RAD51B: variants seen among roughly 807,000 people sequenced by gnomAD.
The protein encoded by RAD51B is DNA repair protein RAD51 homolog 2.
RAD51B carries 38 observed loss-of-function variants against 42.2 expected under a neutral mutation model. The observed-to-expected ratio is 0.90, with a 90% CI of 0.70 to 1.18. RAD51B has a LOEUF of 1.18. Among genes scored for constraint, RAD51B ranks in the 50% most tolerant of loss-of-function variants. RAD51B has a pLI of 0.00. For synonymous variants in RAD51B, 154 were observed against 145.2 expected, an observed-to-expected ratio of 1.06 and a Z score of -0.43; for missense variants, 373 against 400.7, an observed-to-expected ratio of 0.93 and a Z score of 0.59.
In RAD51B at chr14:67,864,961, C is replaced by CTGT. The variant is rs2042278659; in HGVS notation, c.316-41_316-40insGTT. On this transcript the variant is annotated intron_variant, in intron 4 of 10. Transcript: ENST00000471583. ...TGGCTTGTGATGTTTATCTAAAAAA[C>CTGT]TTTTTTTTTTTTTTTTTTTTTTTTT... is the stretch of plus-strand genomic sequence containing the variant. The CTGT allele has an allele frequency of 3.1e-6, 2 of 642,536 alleles. 1 individual carries two copies. The highest frequency in any genetic ancestry group is 7.6e-5 in the African/African-American group (2 of 26,298). 39.8% of individuals were successfully genotyped at this position (642,536 alleles called of 1,614,324 possible). A position where few individuals can be genotyped will look rare whatever the true frequency, so the allele number is the denominator to read the frequency against.
chr14:68,458,872 A>G (rs949384271), intron 9 of RAD51B, among the ~76,000 whole-genome samples: 4 of 152,086 alleles, frequency 2.6e-5, no homozygotes, highest in Non-Finnish European at 4.4e-5. Context: ...TATTACTTCT[A>G]CAGATCTTGC....
intron 4 of RAD51B, among the ~76,000 whole-genome samples, chr14:67,837,449 G>A (rs2140302284): frequency 6.6e-6 from 1 of 152,232 alleles, no homozygotes; most frequent in East Asian, 1.9e-4. Flanking sequence ...CCAAACAGAA[G>A]TTACAAGCCT....
chr14:68,681,896 T>C (rs1205952239), intron 11 of RAD51B, among the ~76,000 whole-genome samples: 1 of 152,120 alleles, frequency 6.6e-6, no homozygotes, highest in Non-Finnish European at 1.5e-5. Flanking sequence ...CTTTGGGGAC[T>C]GGGGAGTGGA....
At chr14:68,586,954 G>A (rs780600390) in intron 10 of RAD51B, among the ~76,000 whole-genome samples, 45 of 151,832 alleles carry the variant, frequency 3.0e-4, no homozygotes, top group East Asian at 1.7e-3. Flanking sequence ...GCAGTGAGTC[G>A]AGATCACGCC....
At chr14:68,435,544 C>T (rs1158314364) in intron 9 of RAD51B, among the ~76,000 whole-genome samples, 1 of 149,768 alleles carries the variant, frequency 6.7e-6, no homozygotes, top group East Asian at 1.9e-4. Flanking sequence ...GGGTATATAC[C>T]CAGCAATGGG....
At chr14:68,443,854 C>A (rs891857418) in intron 9 of RAD51B, among the ~76,000 whole-genome samples, 26 of 149,794 alleles carry the variant, frequency 1.7e-4, no homozygotes, top group African/African-American at 4.4e-4. Flanking sequence ...AAAAAAAAAA[C>A]AAAACTTTCT....
At chr14:68,559,163 G>A (rs1460050244) in intron 10 of RAD51B, among the ~76,000 whole-genome samples, 1 of 151,318 alleles carries the variant, frequency 6.6e-6, no homozygotes, top group East Asian at 1.9e-4. Context: ...ATATATATGT[G>A]TCTATAGAGA....
intron 7 of RAD51B, among the ~76,000 whole-genome samples, chr14:68,029,248 G>A (rs2076003231): frequency 6.6e-6 from 1 of 152,136 alleles, no homozygotes; most frequent in South Asian, 2.1e-4. Context: ...GGTCTCTCTT[G>A]TGGGGAGCAG....
intron 7 of RAD51B, among the ~76,000 whole-genome samples, chr14:68,241,737 A>G (rs1242106990): frequency 2.0e-5 from 3 of 151,974 alleles, no homozygotes; most frequent in Non-Finnish European, 2.9e-5. Context: ...CAAGCAGTCC[A>G]GCTCATGTAT....
intron 4 of RAD51B, among the ~76,000 whole-genome samples, chr14:67,842,864 A>G (rs2041476103): frequency 6.6e-6 from 1 of 152,216 alleles, no homozygotes; most frequent in South Asian, 2.1e-4. Flanking sequence ...TAGTCTGTTG[A>G]GGGTTTTTAT....
At chr14:68,301,641 G>C (rs2081741748) in intron 8 of RAD51B, among the ~76,000 whole-genome samples, 2 of 144,810 alleles carry the variant, frequency 1.4e-5, no homozygotes, top group African/African-American at 2.6e-5. Flanking sequence ...CCATCGCCCA[G>C]GCTGGAGTGC....
chr14:68,301,383 A>C (rs1268049280), intron 8 of RAD51B, among the ~76,000 whole-genome samples: 2 of 152,190 alleles, frequency 1.3e-5, no homozygotes, highest in Non-Finnish European at 2.9e-5. Context: ...TAGACCCCAG[A>C]AAACAAACAA....
At chr14:68,625,814 A>G (rs1892065700) in intron 10 of RAD51B, among the ~76,000 whole-genome samples, 1 of 152,092 alleles carries the variant, frequency 6.6e-6, no homozygotes, top group South Asian at 2.1e-4. Flanking sequence ...TCATCCACAC[A>G]GTTTTAGCTC....
intron 10 of RAD51B, among the ~76,000 whole-genome samples, chr14:68,629,289 A>C (rs1892170480): frequency 6.6e-6 from 1 of 152,174 alleles, no homozygotes; most frequent in Admixed American, 6.5e-5. Flanking sequence ...TTCCCAGCTC[A>C]GGTGTTTACC....
At chr14:68,443,368 G>C (rs1302225258) in intron 9 of RAD51B, among the ~76,000 whole-genome samples, 1 of 152,194 alleles carries the variant, frequency 6.6e-6, no homozygotes, top group Non-Finnish European at 1.5e-5. Context: ...GAATAGGTCT[G>C]TTTGGGTGTA....
intron 10 of RAD51B, chr14:68,563,193 G>C (rs1430101140): frequency 1.0e-6 from 1 of 985,328 alleles, no homozygotes; most frequent in Non-Finnish European, 1.2e-6. Flanking sequence ...CCAAGCCCAA[G>C]GCTGAGGTGA....
chr14:68,267,650 A>G lies in RAD51B; in HGVS notation c.757-24234A>G, dbSNP rs542070366. ...CCCTTGAAGGAGGGTCCTCAAACCC[A>G]TAAGGGAATTTATTTTAAAAATATT... On this transcript the variant is annotated intron_variant, in intron 7 of 10. Transcript: ENST00000471583. 1.4e-4 allele frequency among the ~76,000 whole-genome samples: 21 copies of G among 152,356 alleles called. No homozygotes were observed. The South Asian group carries it at 3.9e-3, about 29-fold the overall frequency.
At chr14:68,144,842 T>C (rs2140743807) in intron 7 of RAD51B, among the ~76,000 whole-genome samples, 1 of 152,354 alleles carries the variant, frequency 6.6e-6, no homozygotes, top group Admixed American at 6.5e-5. Flanking sequence ...ATTCTTTTTT[T>C]GATGGGATCT....
intron 5 of RAD51B, among the ~76,000 whole-genome samples, chr14:67,869,460 T>C (rs2042445350): frequency 1.3e-5 from 2 of 152,168 alleles, no homozygotes; most frequent in South Asian, 2.1e-4. Context: ...CTACGTCTGA[T>C]TGGTGTACCT....
Sources: allele counts gnomAD v4.1 joint callset (sites outside exome capture counted in the v4.1 genomes callset), GRCh38; gene constraint gnomAD v4.1.1; transcripts MANE v1.5; gene names NCBI Gene and HGNC (gene_info 2026-07-23, HGNC 2026-07-21).